The following SEMA6D variants were observed in gnomAD, a reference collection of about 807,000 sequenced individuals.
The protein encoded by SEMA6D is semaphorin 6D, also known as semaphorin-6D.
In SEMA6D, 35 loss-of-function variants were observed where a neutral mutation model predicts 106.6. The observed-to-expected ratio is 0.33, with a 90% CI of 0.25 to 0.44. The LOEUF (loss-of-function observed/expected upper bound fraction) is 0.44, where lower values mean the gene tolerates loss of function less well. Among genes scored for constraint, SEMA6D ranks in the 20% least tolerant of loss-of-function variants. The pLI, the probability that SEMA6D is intolerant of heterozygous loss-of-function variation, is 1.00. For missense variants in SEMA6D, 1,185 were observed against 1,345.9 expected (o/e 0.88, Z 1.87); for synonymous variants, 499 against 487.7 (o/e 1.02, Z -0.31).
intron 3 of SEMA6D, among the ~76,000 whole-genome samples, chr15:47,492,467 A>G (rs1020385692): frequency 3.9e-5 from 6 of 152,160 alleles, no homozygotes; most frequent in Admixed American, 1.3e-4. Context: ...CAGCTCTTTG[A>G]ACATTTGATC....
chr15:47,636,898 C>T (rs927449860), intron 4 of SEMA6D, among the ~76,000 whole-genome samples: 1 of 152,104 alleles, frequency 6.6e-6, no homozygotes, highest in Non-Finnish European at 1.5e-5. Flanking sequence ...TTTCACCAGG[C>T]CAAAGTGTGC....
At chr15:47,376,457 C>T (rs2039451279) in intron 1 of SEMA6D, among the ~76,000 whole-genome samples, 2 of 152,232 alleles carry the variant, frequency 1.3e-5, no homozygotes, top group Non-Finnish European at 2.9e-5. Flanking sequence ...TAAAAGTTGG[C>T]TCCATCATAA....
chr15:47,220,659 G>A (rs2031111007), intron 1 of SEMA6D, among the ~76,000 whole-genome samples: 1 of 152,088 alleles, frequency 6.6e-6, no homozygotes, highest in African/African-American at 2.4e-5. Flanking sequence ...TTCCTTCTAC[G>A]TGTTTATTCT....
chr15:47,634,618 A>C (rs940480432), intron 4 of SEMA6D, among the ~76,000 whole-genome samples: 1 of 152,200 alleles, frequency 6.6e-6, no homozygotes, highest in African/African-American at 2.4e-5. Context: ...ACAGGGGAAC[A>C]GAAATATCAA....
intron 1 of SEMA6D, among the ~76,000 whole-genome samples, chr15:47,376,218 C>G (rs544423283): frequency 9.2e-5 from 14 of 152,340 alleles, no homozygotes; most frequent in African/African-American, 3.4e-4. Flanking sequence ...ATCTGCACCC[C>G]TTTGTGGCAG....
chr15:47,365,890 G>GGAGAGAGAGAGA lies in SEMA6D; in HGVS notation c.-238-46480_-238-46469dup, dbSNP rs201368884. On this transcript the variant is annotated intron_variant, in intron 1 of 19. Coordinates refer to the SEMA6D transcript ENST00000558014. ...AAAGAAAGAAAGAGAGAGAGAGAGAGGAGAGAGAGAGAGAGAGAGAGAGAG... is the reference window on the plus strand; with the variant it reads ...AAAGAAAGAAAGAGAGAGAGAGAGAGGAGAGAGAGAGAGAGAGAGAGAGAGAGAGAGAGAGAG... Among the ~76,000 whole-genome samples the GGAGAGAGAGAGA allele has an allele frequency of 2.7e-3, 322 of 119,792 alleles. 1 individual carries two copies. The highest frequency in any genetic ancestry group is 0.011 in the African/African-American group (305 of 27,292). 78.6% of individuals were successfully genotyped at this position (119,792 alleles called of 152,430 possible).
chr15:47,639,956 TA>T (rs939396857), intron 4 of SEMA6D, among the ~76,000 whole-genome samples: 1 of 152,120 alleles, frequency 6.6e-6, no homozygotes, highest in Non-Finnish European at 1.5e-5. Flanking sequence ...AGACATTGGG[TA>T]AAAACTCTGG....
Position 47,766,102 on chromosome 15 carries a change from C to T in SEMA6D, c.1569-3C>T. The T allele has an allele frequency of 6.2e-7, 1 of 1,613,594 alleles. No homozygotes were observed. Among genetic ancestry groups the T allele is most frequent in the Non-Finnish European group, 8.5e-7 (1 of 1,179,666 alleles). On this transcript the variant is annotated splice_polypyrimidine_tract_variant and splice_region_variant and intron_variant, in intron 14 of 18. Transcript: ENST00000536845. ...AAGTTACATTCTGTTTGGTTTTACA[C>T]AGGTCTTGTATTGCATCTCGTGACC...
intron 2 of SEMA6D, among the ~76,000 whole-genome samples, chr15:47,450,271 G>A (rs185103935): frequency 1.1e-4 from 16 of 151,600 alleles, no homozygotes; most frequent in African/African-American, 1.7e-4. Context: ...CCTTCTTTTC[G>A]TGCATTCATT....
chr15:47,537,734 C>T (rs1017434899), intron 3 of SEMA6D, among the ~76,000 whole-genome samples: 2 of 151,848 alleles, frequency 1.3e-5, no homozygotes, highest in African/African-American at 4.8e-5. Flanking sequence ...AGACTGGCTA[C>T]GGAGGCGCAA....
At chr15:47,664,782 C>T (rs1005632194) in intron 4 of SEMA6D, among the ~76,000 whole-genome samples, 1 of 152,220 alleles carries the variant, frequency 6.6e-6, no homozygotes, top group Admixed American at 6.5e-5. Context: ...AGTTTTCAAG[C>T]TTTCTCTTTG....
chr15:47,371,803 C>G (rs951778696), intron 1 of SEMA6D, among the ~76,000 whole-genome samples: 1 of 152,176 alleles, frequency 6.6e-6, no homozygotes, highest in African/African-American at 2.4e-5. Flanking sequence ...TGATGATCAT[C>G]ATAGAAAATA....
In SEMA6D at chr15:47,358,388, T is replaced by A. The variant is rs192530429; in HGVS notation, c.-238-54005T>A. On this transcript the variant is annotated intron_variant, in intron 1 of 19. Coordinates refer to the SEMA6D transcript ENST00000558014. ...AACTTTGGTGCCTCCTTCCCAAGTTTATTTACAAAACATTTTTCTAAAGTA... is the reference window on the plus strand; with the variant it reads ...AACTTTGGTGCCTCCTTCCCAAGTTAATTTACAAAACATTTTTCTAAAGTA... Among the ~76,000 whole-genome samples the A allele has an allele frequency of 3.4e-3, 512 of 152,366 alleles. 3 individuals carry two copies. The highest frequency in any genetic ancestry group is 4.1e-3 in the Non-Finnish European group (280 of 68,032).
intron 3 of SEMA6D, among the ~76,000 whole-genome samples, chr15:47,491,136 A>G (rs1012049058): frequency 1.3e-5 from 2 of 152,222 alleles, no homozygotes; most frequent in African/African-American, 4.8e-5. Flanking sequence ...GCACTGATAT[A>G]CCATGCAGAC....
At chr15:47,370,737 G>A in intron 1 of SEMA6D, among the ~76,000 whole-genome samples, 1 of 146,910 alleles carries the variant, frequency 6.8e-6, no homozygotes, top group African/African-American at 2.5e-5. Flanking sequence ...GCACGCGCCA[G>A]TAGTCCCAGC....
chr15:47,528,328 C>T (rs1381927356), intron 3 of SEMA6D, among the ~76,000 whole-genome samples: 1 of 152,152 alleles, frequency 6.6e-6, no homozygotes, highest in Non-Finnish European at 1.5e-5. Context: ...TCTTGCTCAT[C>T]ACTTCATGGC....
chr15:47,297,312 A>G (rs945766989), intron 1 of SEMA6D, among the ~76,000 whole-genome samples: 3 of 152,180 alleles, frequency 2.0e-5, no homozygotes, highest in African/African-American at 7.2e-5. Flanking sequence ...TCCTCAGTTT[A>G]GTTTCTTGCA....
intron 3 of SEMA6D, chr15:47,600,730 C>T (rs1158529065): frequency 6.6e-6 from 1 of 152,120 alleles, no homozygotes; most frequent in East Asian, 1.9e-4. Flanking sequence ...GCAAGAGATA[C>T]ATAAAATTAG....
Position 47,372,209 on chromosome 15 carries a change from A to T in SEMA6D, c.-238-40184A>T, listed in dbSNP as rs112008563. Among the ~76,000 whole-genome samples, 1,310 of 152,284 alleles carry T rather than the reference A, an allele frequency of 8.6e-3. 12 individuals carry two copies. The highest frequency in any genetic ancestry group is 0.027 in the Middle Eastern group (8 of 294). ...CCAGCCTCTAGCTTCATCTGTTTAT[A>T]GTTCTTCTTAGTAGCCATATACTGC... On this transcript the variant is annotated intron_variant, in intron 1 of 19. Transcript: ENST00000558014.
Sources: gnomAD v4.1 joint callset for allele counts (sites outside exome capture counted in the v4.1 genomes callset) on GRCh38, gnomAD v4.1.1 for gene constraint, MANE v1.5 for transcripts, NCBI Gene and HGNC (gene_info 2026-07-23, HGNC 2026-07-21) for gene names.